Variants in KANSL1L observed in about 807,000 individuals in gnomAD.
KANSL1L encodes KAT8 regulatory NSL complex subunit 1-like protein.
A neutral mutation model predicts 108.6 loss-of-function variants in KANSL1L; 25 were observed. The ratio of observed to expected loss-of-function variants is 0.23; its 90% CI spans 0.17 to 0.32. The LOEUF (loss-of-function observed/expected upper bound fraction) is 0.32, where lower values mean the gene tolerates loss of function less well. Among genes scored for constraint, KANSL1L ranks in the 10% least tolerant of loss-of-function variants. KANSL1L has a pLI of 1.00. For synonymous variants in KANSL1L, 405 were observed against 395.1 expected (o/e 1.03, Z -0.30); for missense variants, 1,137 against 1,125.7 (o/e 1.01, Z -0.14).
At chr2:210,028,105 C>T (rs950915003) in intron 11 of KANSL1L, among the ~76,000 whole-genome samples, 4 of 152,176 alleles carry the variant, frequency 2.6e-5, no homozygotes, top group Admixed American at 2.0e-4. Flanking sequence ...GTTTGGCTAA[C>T]GTTACTGCCA....
At chr2:210,079,662 A>G (rs868168291) in intron 5 of KANSL1L, 25 of 12,658 alleles carry the variant, frequency 2.0e-3, no homozygotes, top group South Asian at 0.016. Context: ...ATATATATAT[A>G]TATGTATGTG....
rs1054828570 is a variant in KANSL1L, at chr2:210,156,831, GA to G, written c.-29-2221del. Among the ~76,000 whole-genome samples, 28 of 151,888 alleles carry G rather than the reference GA, an allele frequency of 1.8e-4. 3 individuals are homozygous for G. Among genetic ancestry groups the G allele is most frequent in the Admixed American group, 1.8e-3 (28 of 15,260 alleles). Reference sequence around the variant, plus strand: ...TAAATGTTAATGGTTAATACTGAGTGAAAAAAATTATAGATGTTTGCCTTTT... The same window carrying G: ...TAAATGTTAATGGTTAATACTGAGTGAAAAAATTATAGATGTTTGCCTTTT... On this transcript the variant is annotated intron_variant, in intron 1 of 14. Transcript: ENST00000281772.
rs896255773 is a variant in KANSL1L, at chr2:210,128,199, T to C, written c.1230+832A>G. Among the ~76,000 whole-genome samples, 7 of 152,322 alleles carry C rather than the reference T, an allele frequency of 4.6e-5. No homozygotes were observed. The South Asian group carries it at 1.0e-3, about 23-fold the overall frequency. On this transcript the variant is annotated intron_variant, in intron 3 of 14. Coordinates refer to ENST00000281772, the MANE Select transcript of KANSL1L (RefSeq NM_152519.4). ...GGTATAGCCACTGTGAAAAACAGTA[T>C]GGTAGATCCACAAAAAAATTAAAAA...
intron 5 of KANSL1L, among the ~76,000 whole-genome samples, chr2:210,079,335 C>A (rs1266910871): frequency 6.6e-6 from 1 of 151,718 alleles, no homozygotes; most frequent in Non-Finnish European, 1.5e-5. Context: ...GTGGCTCACA[C>A]CTGTAATTCC....
chr2:210,154,772 C>T (rs531605647), intron 1 of KANSL1L, among the ~76,000 whole-genome samples, 161 bp from the exon 2 acceptor site: 1 of 152,290 alleles, frequency 6.6e-6, no homozygotes, highest in South Asian at 2.1e-4. Context: ...AAAGATTAAG[C>T]TATTCTTCCC....
intron 1 of KANSL1L, among the ~76,000 whole-genome samples, chr2:210,162,474 T>C (rs1038184106): frequency 3.3e-5 from 5 of 152,036 alleles, no homozygotes; most frequent in Non-Finnish European, 5.9e-5. Flanking sequence ...TTGGATATGT[T>C]ACTTTTTAAG....
chr2:210,077,131 G>A (rs931209093), intron 5 of KANSL1L, among the ~76,000 whole-genome samples: 3 of 152,124 alleles, frequency 2.0e-5, no homozygotes, highest in African/African-American at 4.8e-5. Flanking sequence ...AATGGCTTGT[G>A]TTGGTAAAAC....
chr2:210,075,050 G>A (rs2094532763), intron 6 of KANSL1L, among the ~76,000 whole-genome samples: 1 of 152,142 alleles, frequency 6.6e-6, no homozygotes, highest in African/African-American at 2.4e-5. Flanking sequence ...TTGTAAGCAT[G>A]AGCATCTAAA....
chr2:210,073,597 A>G (rs902567218), intron 6 of KANSL1L, among the ~76,000 whole-genome samples: 8 of 152,120 alleles, frequency 5.3e-5, no homozygotes, highest in Admixed American at 2.6e-4. Context: ...TGTGCTCAAT[A>G]GCTACATGTG....
intron 6 of KANSL1L, among the ~76,000 whole-genome samples, chr2:210,073,433 C>A (rs1204509174): frequency 4.6e-5 from 7 of 151,910 alleles, no homozygotes; most frequent in African/African-American, 7.2e-5. Flanking sequence ...CAGTAGCTCA[C>A]ACCTGTAATC....
At position 210,171,246 on chromosome 2, in the gene KANSL1L, A is replaced by AC. The variant is rs1369593612; in HGVS notation, c.-128dup. ...CTCTAGCTGCCCGCCCGCCTCCCCC[A>AC]CCCGGGGCGCCGCTGACTCGTCTCC... On this transcript the variant is annotated 5_prime_UTR_variant, in exon 1 of 15. Coordinates refer to ENST00000281772, the MANE Select transcript of KANSL1L (RefSeq NM_152519.4). 1 of 116,294 alleles carries AC rather than the reference A, an allele frequency of 8.6e-6. No individual in the cohort carries two copies. The highest frequency in any genetic ancestry group is 1.9e-5 in the Non-Finnish European group (1 of 52,336). 7.2% of individuals were successfully genotyped at this position (116,294 alleles called of 1,614,324 possible).
At chr2:210,108,962 T>C (rs779086702) in intron 3 of KANSL1L, among the ~76,000 whole-genome samples, 1 of 152,182 alleles carries the variant, frequency 6.6e-6, no homozygotes, top group Non-Finnish European at 1.5e-5. Context: ...TTAAATACCA[T>C]ACTACTTTGT....
At chr2:210,084,331 A>G (rs1377016127) in intron 5 of KANSL1L, among the ~76,000 whole-genome samples, 3 of 152,078 alleles carry the variant, frequency 2.0e-5, no homozygotes, top group African/African-American at 7.2e-5. Context: ...CTGAAGCAGG[A>G]AAATCGCTTG....
intron 2 of KANSL1L, among the ~76,000 whole-genome samples, chr2:210,131,719 T>C (rs2095122322): frequency 6.6e-6 from 1 of 151,914 alleles, no homozygotes; most frequent in Non-Finnish European, 1.5e-5. Flanking sequence ...CTTTTTTTTT[T>C]TTTTTAGTTT....
At chr2:210,108,588 A>G (rs1180191077) in intron 3 of KANSL1L, among the ~76,000 whole-genome samples, 1 of 152,206 alleles carries the variant, frequency 6.6e-6, no homozygotes, top group African/African-American at 2.4e-5. Flanking sequence ...ATTGTTTTAT[A>G]CTTGACTCAT....
Position 210,025,203 on chromosome 2 carries a change from G to A in KANSL1L, c.2465C>T (p.Ser822Phe). The A allele has an allele frequency of 1.3e-6, 2 of 1,567,214 alleles. No individual in the cohort carries two copies. Among genetic ancestry groups the A allele is most frequent in the Non-Finnish European group, 1.8e-6 (2 of 1,137,254 alleles). Residue 822 changes from serine to phenylalanine, a missense_variant, in exon 13 of 15, where the codon TCT becomes TTT. Around this residue, in one of 3 missense-constraint regions of KANSL1L, gnomAD observed 575 missense variants for 567.1 expected, o/e 1.01. Transcript: ENST00000281772. ...NLGKEEIEDL[S>F]DEVFSLRHKK... ...GTGCCTTAGGGAGAAGACTTCATCA[G>A]AAAGATCTTCTATCTGGAATTAGAA...
At position 210,075,637 on chromosome 2, in the gene KANSL1L, C is replaced by G. The variant is rs772585550; in HGVS notation, c.1670G>C (p.Ser557Thr). The G allele has an allele frequency of 6.2e-7, 1 of 1,613,758 alleles. No homozygotes were observed. Among genetic ancestry groups the G allele is most frequent in the Non-Finnish European group, 8.5e-7 (1 of 1,179,860 alleles). Residue 557 changes from serine (S) to threonine (T), a missense_variant, in exon 6 of 15, where the codon AGT (serine) becomes ACT (threonine). Transcript: ENST00000281772. ...AAGTGGCCTTGTTCGGGCTGATGTA[C>G]TCATGAAAGTCAAGGATGAAGATTT... ...RLKSSSLTFMSTSARTRPLQS... is the reference protein window; with the variant it reads ...RLKSSSLTFMTTSARTRPLQS...
chr2:210,042,275 T>G (rs976310204), intron 7 of KANSL1L, among the ~76,000 whole-genome samples: 3 of 152,232 alleles, frequency 2.0e-5, no homozygotes, highest in Admixed American at 1.3e-4. Context: ...TTTATTTGTA[T>G]TTATACTCCT....
chr2:210,078,447 T>C (rs1223541713), intron 5 of KANSL1L, among the ~76,000 whole-genome samples: 5 of 152,200 alleles, frequency 3.3e-5, no homozygotes, highest in East Asian at 1.9e-4. Context: ...TCTAACACTT[T>C]CTAATTAATA....
Sources: gnomAD v4.1 joint callset for allele counts (sites outside exome capture counted in the v4.1 genomes callset) on GRCh38, gnomAD v4.1.1 for gene constraint, gnomAD v4.1.1 regional missense constraint, MANE v1.5 for transcripts, NCBI Gene and HGNC (gene_info 2026-07-23, HGNC 2026-07-21) for gene names.